Variants in CCDC30 observed in about 807,000 individuals in gnomAD.
The protein encoded by CCDC30 is coiled-coil domain-containing protein 30.
CCDC30 carries 70 observed loss-of-function variants against 100.2 expected under a neutral mutation model. That is an observed-to-expected ratio of 0.70 (90% CI 0.58 to 0.85). The LOEUF is 0.85. Among genes scored for constraint, CCDC30 ranks in the 40% least tolerant of loss-of-function variants. The pLI is 0.00. For missense variants in CCDC30, 652 were observed against 771.2 expected (o/e 0.85, Z 1.83); for synonymous variants, 233 against 269.5 (o/e 0.86, Z 1.33).
intron 7 of CCDC30, among the ~76,000 whole-genome samples, chr1:42,569,922 A>G (rs988204415): frequency 1.3e-5 from 2 of 152,250 alleles, no homozygotes; most frequent in South Asian, 4.1e-4. Context: ...TGGGAGCTGA[A>G]CAATGAGAAC....
At chr1:42,548,383 A>G (rs1216791011) in intron 6 of CCDC30, among the ~76,000 whole-genome samples, 1 of 152,204 alleles carries the variant, frequency 6.6e-6, no homozygotes, top group East Asian at 1.9e-4. Context: ...GGGTTTTGCC[A>G]TGTGAGTGCA....
chr1:42,552,518 G>A (rs1468512134), intron 6 of CCDC30, among the ~76,000 whole-genome samples: 1 of 152,096 alleles, frequency 6.6e-6, no homozygotes, highest in Non-Finnish European at 1.5e-5. Context: ...TGTGACAAAT[G>A]AGACACCTTC....
intron 6 of CCDC30, among the ~76,000 whole-genome samples, chr1:42,512,070 C>T (rs1644486853): frequency 6.6e-6 from 1 of 152,120 alleles, no homozygotes; most frequent in East Asian, 1.9e-4. Context: ...AGGGATGGGC[C>T]GAAATAAAGG....
chr1:42,611,933 G>A (rs1451517123), intron 11 of CCDC30, among the ~76,000 whole-genome samples: 1 of 152,096 alleles, frequency 6.6e-6, no homozygotes, highest in Non-Finnish European at 1.5e-5. Context: ...GGGATTATAG[G>A]CAGGCATAAG....
intron 6 of CCDC30, among the ~76,000 whole-genome samples, chr1:42,523,632 C>T (rs541879529): frequency 8.5e-5 from 13 of 152,268 alleles, no homozygotes; most frequent in Admixed American, 5.2e-4. Context: ...TCATGCCTTT[C>T]ATCAAATTTA....
At chr1:42,497,239 G>C in intron 5 of CCDC30, 26 bp downstream of exon 5, 1 of 1,144,048 alleles carries the variant, frequency 8.7e-7, no homozygotes. Context: ...TTCTTAGAAC[G>C]TATTTAAATG....
chr1:42,529,090 AC>A (rs1178517313), intron 6 of CCDC30, among the ~76,000 whole-genome samples: 20 of 152,204 alleles, frequency 1.3e-4, no homozygotes, highest in African/African-American at 4.8e-4. Flanking sequence ...CCTTTCACTT[AC>A]ATCATCCCAC....
chr1:42,461,553 T>C (rs1305153766), upstream of CCDC30, among the ~76,000 whole-genome samples: 1 of 150,832 alleles, frequency 6.6e-6, no homozygotes, highest in African/African-American at 2.4e-5. Flanking sequence ...CCAGGCTCTT[T>C]TTTTTTTTTT....
intron 6 of CCDC30, among the ~76,000 whole-genome samples, chr1:42,514,050 C>T (rs753998393): frequency 7.9e-5 from 12 of 152,144 alleles, no homozygotes; most frequent in Non-Finnish European, 1.5e-4. Context: ...TAATGCCCCA[C>T]CTCCAACATT....
Position 42,516,571 on chromosome 1 carries a change from CA to C in CCDC30, c.456+17674del, listed in dbSNP as rs61638436. Among the ~76,000 whole-genome samples, 444 of 102,146 alleles carry C rather than the reference CA, an allele frequency of 4.3e-3. 2 individuals carry two copies. Among genetic ancestry groups the C allele is most frequent in the Middle Eastern group, 0.034 (7 of 206 alleles). The allele number at this position is 102,146 out of a possible 152,430, so 67.0% of individuals were successfully genotyped here. A position where few individuals can be genotyped will look rare whatever the true frequency, so the allele number is the denominator to read the frequency against. The stretch of plus-strand genomic sequence containing the variant: ...TGGACGAGAGAGCAAGACTCCATCT[CA>C]AAAAAAAAAAAAAAAAAAGAATCTG... On this transcript the variant is annotated intron_variant, in intron 6 of 16. Transcript: ENST00000668663.
chr1:42,469,679 T>G (rs1450774329), intron 1 of CCDC30, among the ~76,000 whole-genome samples: 1 of 151,994 alleles, frequency 6.6e-6, no homozygotes, highest in Admixed American at 6.6e-5. Context: ...ATCAGGAGGA[T>G]GGGAAGCTCT....
chr1:42,458,388 G>A (rs962353360), upstream of CCDC30, among the ~76,000 whole-genome samples: 4 of 152,126 alleles, frequency 2.6e-5, no homozygotes, highest in African/African-American at 9.7e-5. Context: ...CATTTATTGG[G>A]TGATACAGGT....
chr1:42,512,870 C>T (rs901064440), intron 6 of CCDC30, among the ~76,000 whole-genome samples: 1 of 152,186 alleles, frequency 6.6e-6, no homozygotes, highest in Non-Finnish European at 1.5e-5. Flanking sequence ...TCCATGTTCT[C>T]CTCAGTACAC....
upstream of CCDC30, among the ~76,000 whole-genome samples, chr1:42,458,706 C>A (rs1464443573): frequency 1.3e-5 from 2 of 152,164 alleles, no homozygotes; most frequent in African/African-American, 4.8e-5. Context: ...TTTTTAATCT[C>A]TGGGATCTTT....
intron 6 of CCDC30, chr1:42,556,207 G>A (rs1056748184): frequency 1.2e-6 from 2 of 1,614,132 alleles, no homozygotes; most frequent in South Asian, 2.2e-5. Flanking sequence ...AGTCAGTAAA[G>A]GAGGGCAGTT....
At chr1:42,648,284 G>A (rs1648053809) in intron 15 of CCDC30, among the ~76,000 whole-genome samples, 1 of 152,072 alleles carries the variant, frequency 6.6e-6, no homozygotes, top group South Asian at 2.1e-4. Context: ...TCAAAAAAGT[G>A]GAAAGACTTC....
intron 4 of CCDC30, among the ~76,000 whole-genome samples, chr1:42,495,419 G>A (rs1644216493): frequency 2.0e-5 from 3 of 151,916 alleles, no homozygotes; most frequent in Non-Finnish European, 2.9e-5. Flanking sequence ...TGCTGAGTTA[G>A]TGGGTGCAGC....
chr1:42,458,554 A>G (rs1042382165), upstream of CCDC30, among the ~76,000 whole-genome samples: 1 of 152,242 alleles, frequency 6.6e-6, no homozygotes, highest in African/African-American at 2.4e-5. Flanking sequence ...GGAGACAATA[A>G]ATAAGTCAAA....
Position 42,580,291 on chromosome 1 carries a change from ATCT to A in CCDC30, c.847-1062_847-1060del, listed in dbSNP as rs551168392. 6.5e-3 allele frequency among the ~76,000 whole-genome samples: 994 copies of A among 152,226 alleles called. 14 individuals are homozygous for A. The highest frequency in any genetic ancestry group is 0.023 in the African/African-American group (957 of 41,538). On this transcript the variant is annotated intron_variant, in intron 8 of 16. Transcript: ENST00000668663. ...TACCATTCCCCTTGAATCATTCTGC[ATCT>A]TCTTCTCTCTCATGCTGTGTGGGCT...
Sources: gnomAD v4.1 joint callset for allele counts (sites outside exome capture counted in the v4.1 genomes callset) on GRCh38, gnomAD v4.1.1 for gene constraint, MANE v1.5 for transcripts, NCBI Gene and HGNC (gene_info 2026-07-23, HGNC 2026-07-21) for gene names.